The following BTNL8 variants were observed in gnomAD, a reference collection of about 807,000 sequenced individuals.
BTNL8 encodes the protein butyrophilin like 8, also known as butyrophilin-like protein 8.
In BTNL8, 22 loss-of-function variants were observed where a neutral mutation model predicts 36.1. The observed-to-expected ratio is 0.61, with a 90% confidence interval of 0.44 to 0.87. The LOEUF is 0.87. BTNL8 is among the 40% of genes least tolerant of loss of function. The probability of loss-of-function intolerance (pLI) is 0.00; values close to 1 mark genes in which losing one functional copy is unlikely to be tolerated. For synonymous variants in BTNL8, 203 were observed against 235.6 expected, an observed-to-expected ratio of 0.86 and a Z score of 1.27; for missense variants, 526 against 616.9, an observed-to-expected ratio of 0.85 and a Z score of 1.56.
At chr5:180,920,904 C>G (rs1757835332) in intron 3 of BTNL8, among the ~76,000 whole-genome samples, 1 of 152,012 alleles carries the variant, frequency 6.6e-6, no homozygotes, top group African/African-American at 2.4e-5. Flanking sequence ...TCACCTCATA[C>G]TTGTTAGACT....
chr5:180,946,080 C>T (rs749286425), intron 3 of BTNL8, among the ~76,000 whole-genome samples: 3 of 152,080 alleles, frequency 2.0e-5, no homozygotes, highest in Non-Finnish European at 4.4e-5. Flanking sequence ...GCAAATTAAA[C>T]CACAATGAGA....
rs569324503 is a variant in BTNL8, at chr5:180,947,059, G to A, written c.674-453G>A. Among the ~76,000 whole-genome samples, 71 of 152,232 alleles carry A rather than the reference G, an allele frequency of 4.7e-4. No individual in the cohort carries two copies. In the Middle Eastern group the frequency reaches 0.014, roughly 29 times the overall value. ...ACAAGTCAATACAAAAATTTATGTC[G>A]CAGAGCAAAGTTGCCAAGGCACAAC... On this transcript the variant is annotated intron_variant, in intron 3 of 7. Coordinates refer to ENST00000340184, the MANE Select transcript of BTNL8 (RefSeq NM_001040462.3).
chr5:180,910,917 G>A (rs1757354956), intron 2 of BTNL8, among the ~76,000 whole-genome samples: 2 of 152,204 alleles, frequency 1.3e-5, no homozygotes, highest in South Asian at 4.1e-4. Flanking sequence ...CATTTCATGG[G>A]GGAGGATGAG....
chr5:180,911,432 C>T lies in BTNL8; in HGVS notation c.491C>T (p.Thr164Ile), dbSNP rs1196799110. ...CQSSGWFPRP[T>I]AKWKGPQGQD... is the part of the protein sequence containing the mutation. ...TCCTCGGGCTGGTTCCCCCGGCCCACAGCGAAGTGGAAAGGTCCACAAGGA... is the reference window on the plus strand; with the variant it reads ...TCCTCGGGCTGGTTCCCCCGGCCCATAGCGAAGTGGAAAGGTCCACAAGGA... The change falls in exon 3 of 8, where the codon ACA becomes ATA. Residue 164 changes from threonine (T) to isoleucine (I), a missense_variant. By Grantham distance (89) the Thr-to-Ile change is moderately conservative. This residue lies in a region of BTNL8 where 350 missense variants were observed against 324.6 expected (regional missense o/e 1.08). Coordinates refer to ENST00000340184, the MANE Select transcript of BTNL8 (RefSeq NM_001040462.3). The T allele has an allele frequency of 6.2e-7, 1 of 1,614,102 alleles. No homozygotes were observed. The highest frequency in any genetic ancestry group is 1.3e-5 in the African/African-American group (1 of 74,932).
At chr5:180,910,520 G>T (rs1379908807) in intron 2 of BTNL8, among the ~76,000 whole-genome samples, 1 of 152,138 alleles carries the variant, frequency 6.6e-6, no homozygotes, top group African/African-American at 2.4e-5. Context: ...TGGCATTATC[G>T]ATCAGCCCAA....
At position 180,908,673 on chromosome 5, in the gene BTNL8, C is replaced by T; in HGVS notation, c.137C>T (p.Thr46Ile). Reference sequence around the variant, plus strand: ...TTCTCCTGTTTCCTGTCTCCTAAGACCAATGCAGAGGCCATGGAAGTGCGG... The same window carrying T: ...TTCTCCTGTTTCCTGTCTCCTAAGATCAATGCAGAGGCCATGGAAGTGCGG... ...AAFSCFLSPK[T>I]NAEAMEVRFF... The change falls in exon 2 of 8, where the codon ACC becomes ATC. Residue 46 changes from threonine (T) to isoleucine (I), a missense_variant. Coordinates refer to ENST00000340184, the MANE Select transcript of BTNL8 (RefSeq NM_001040462.3). 6.2e-7 allele frequency: 1 copy of T among 1,614,202 alleles called. No individual in the cohort carries two copies. The highest frequency in any genetic ancestry group is 8.5e-7 in the Non-Finnish European group (1 of 1,180,042).
intron 2 of BTNL8, chr5:180,909,710 C>T (rs1424042484): frequency 1.8e-5 from 4 of 217,866 alleles, no homozygotes; most frequent in Non-Finnish European, 2.7e-5. Context: ...AAGACCTCAT[C>T]TCTATTAAAA....
intron 3 of BTNL8, among the ~76,000 whole-genome samples, chr5:180,932,987 T>C (rs1207951249): frequency 7.6e-6 from 1 of 132,274 alleles, no homozygotes; most frequent in Non-Finnish European, 1.6e-5. Flanking sequence ...AAAAAGGATA[T>C]TCCATGCAAA....
intron 3 of BTNL8, among the ~76,000 whole-genome samples, chr5:180,928,220 T>C (rs1758196072): frequency 1.3e-5 from 2 of 152,200 alleles, no homozygotes; most frequent in Non-Finnish European, 2.9e-5. Context: ...CAGAATTTCA[T>C]ATCCAGCCAA....
intron 3 of BTNL8, among the ~76,000 whole-genome samples, chr5:180,914,395 A>G (rs535316164): frequency 6.6e-6 from 1 of 152,328 alleles, no homozygotes; most frequent in East Asian, 1.9e-4. Flanking sequence ...ACTATGAGAA[A>G]TACATTTCTA....
In BTNL8 at chr5:180,935,592, G is replaced by A. The variant is rs1026648324; in HGVS notation, c.674-11920G>A. Among the ~76,000 whole-genome samples the A allele has an allele frequency of 6.6e-6, 1 of 152,250 alleles. No homozygotes were observed. Among genetic ancestry groups the A allele is most frequent in the Non-Finnish European group, 1.5e-5 (1 of 68,054 alleles). On this transcript the variant is annotated intron_variant, in intron 3 of 7. Coordinates refer to ENST00000340184, the MANE Select transcript of BTNL8 (RefSeq NM_001040462.3). This position sits in a 1 kb window ranked among gnomAD's most constrained non-coding sequence, Gnocchi z 4.8. Reference sequence around the variant, plus strand: ...AGCAGGCACTTCTGAGCCTGCAGGGGCAGAGAGGGTTTCCAGGGCCCCGAG... The same window carrying A: ...AGCAGGCACTTCTGAGCCTGCAGGGACAGAGAGGGTTTCCAGGGCCCCGAG...
intron 3 of BTNL8, among the ~76,000 whole-genome samples, chr5:180,932,218 G>A (rs567512930): frequency 6.6e-6 from 1 of 152,198 alleles, no homozygotes; most frequent in Non-Finnish European, 1.5e-5. Context: ...GGTGTGGGGG[G>A]CTAAGGAGGG....
At chr5:180,947,073 C>G (rs1195370945) in intron 3 of BTNL8, among the ~76,000 whole-genome samples, 1 of 152,146 alleles carries the variant, frequency 6.6e-6, no homozygotes, top group Non-Finnish European at 1.5e-5. Flanking sequence ...AGCAAAGTTG[C>G]CAAGGCACAA....
intron 3 of BTNL8, among the ~76,000 whole-genome samples, chr5:180,921,736 T>C (rs1362492900): frequency 6.7e-6 from 1 of 149,122 alleles, no homozygotes; most frequent in East Asian, 2.0e-4. Context: ...ATAAAAGGGG[T>C]AGGAGGAAAC....
chr5:180,919,230 C>T lies in BTNL8; in HGVS notation c.673+7616C>T, dbSNP rs538033811. 3.3e-3 allele frequency among the ~76,000 whole-genome samples: 509 copies of T among 152,284 alleles called. 1 individual carries two copies. The highest frequency in any genetic ancestry group is 4.8e-3 in the Non-Finnish European group (326 of 68,014). On this transcript the variant is annotated intron_variant, in intron 3 of 7. Transcript: ENST00000340184. ...GCTACAAAGAGTCTGTTTTGTCAGT[C>T]TTAAGACCTCTGTTGTAATGTTAAT...
chr5:180,908,570 G>T lies in BTNL8; in HGVS notation c.50-16G>T, dbSNP rs1000087075. On this transcript the variant is annotated splice_polypyrimidine_tract_variant and intron_variant, in intron 1 of 7. Coordinates refer to ENST00000340184, the MANE Select transcript of BTNL8 (RefSeq NM_001040462.3). ...AAAGGGTTTTGATGATTTATCTTTTGTATGTCTTCCCACAGGGCAGTGGCA... is the reference window on the plus strand; with the variant it reads ...AAAGGGTTTTGATGATTTATCTTTTTTATGTCTTCCCACAGGGCAGTGGCA... The T allele has an allele frequency of 6.2e-7, 1 of 1,610,554 alleles. No individual in the cohort carries two copies. The highest frequency in any genetic ancestry group is 8.5e-7 in the Non-Finnish European group (1 of 1,177,668).
intron 1 of BTNL8, 69 bp from the exon 2 acceptor site, chr5:180,908,517 G>A (rs1009144228): frequency 7.5e-6 from 11 of 1,476,060 alleles, no homozygotes; most frequent in Admixed American, 4.1e-5. Context: ...GTTCCTATTC[G>A]GCCATCTTGG....
chr5:180,912,670 C>G (rs1320213152), intron 3 of BTNL8, among the ~76,000 whole-genome samples: 1 of 152,084 alleles, frequency 6.6e-6, no homozygotes, highest in Non-Finnish European at 1.5e-5. Context: ...TTGAGGCCAG[C>G]CTACACAACA....
intron 3 of BTNL8, among the ~76,000 whole-genome samples, chr5:180,919,303 C>T (rs1757771146): frequency 6.6e-6 from 1 of 152,198 alleles, no homozygotes; most frequent in African/African-American, 2.4e-5. Flanking sequence ...CATAATGAGG[C>T]ATGTCCAACC....
Sources: allele counts gnomAD v4.1 joint callset (sites outside exome capture counted in the v4.1 genomes callset), GRCh38; gene constraint gnomAD v4.1.1; regional missense constraint gnomAD v4.1.1; non-coding constraint Gnocchi (gnomAD v3.1); transcripts MANE v1.5; gene names NCBI Gene and HGNC (gene_info 2026-07-23, HGNC 2026-07-21).